The following SRC variants were observed in gnomAD, a reference collection of about 807,000 sequenced individuals.
SRC encodes SRC proto-oncogene, non-receptor tyrosine kinase, also known as proto-oncogene tyrosine-protein kinase Src.
In SRC, 13 loss-of-function variants were observed where a neutral mutation model predicts 62.9. That is an observed-to-expected ratio of 0.21 (90% CI 0.13 to 0.33). SRC has a LOEUF of 0.33. SRC is among the 10% of genes least tolerant of loss of function. SRC has a pLI of 1.00. For missense variants in SRC, 457 were observed against 737.3 expected (o/e 0.62, Z 4.40); for synonymous variants, 302 against 317.5 (o/e 0.95, Z 0.52).
At chr20:37,390,832 T>C (rs1402578934) in intron 5 of SRC, among the ~76,000 whole-genome samples, 1 of 152,178 alleles carries the variant, frequency 6.6e-6, no homozygotes, top group South Asian at 2.1e-4. Flanking sequence ...GGATGGTGTC[T>C]AGGGCAGTGC....
rs112983043 is a variant in SRC, at chr20:37,396,803, G to A, written c.703+492G>A. On this transcript the variant is annotated intron_variant, in intron 8 of 13. Transcript: ENST00000373578. The surrounding 1 kb of genome is among the most constrained non-coding windows in gnomAD (Gnocchi z 6.1). ...AGGGCTCGGGCGTGGGCGCAGTGCTGTAGCCCACCCACCTGGGCATCCGAA... is the reference window on the plus strand; with the variant it reads ...AGGGCTCGGGCGTGGGCGCAGTGCTATAGCCCACCCACCTGGGCATCCGAA... The A allele has an allele frequency of 6.8e-3, 1,172 of 172,350 alleles. 26 individuals are homozygous for A. The highest frequency in any genetic ancestry group is 0.027 in the African/African-American group (1,134 of 42,074). 10.7% of individuals were successfully genotyped at this position (172,350 alleles called of 1,614,324 possible).
chr20:37,384,193 C>A lies in SRC; in HGVS notation c.40C>A (p.Arg14=). Residue 14 remains arginine (R), a synonymous_variant, in exon 4 of 14, where the codon CGG becomes AGG. Transcript: ENST00000373578. This position sits in a 1 kb window ranked among gnomAD's most constrained non-coding sequence, Gnocchi z 6.7. ...GAGCAAGCCCAAGGATGCCAGCCAGCGGCGCCGCAGCCTGGAGCCCGCCGA... is the reference window on the plus strand; with the variant it reads ...GAGCAAGCCCAAGGATGCCAGCCAGAGGCGCCGCAGCCTGGAGCCCGCCGA... ...NKSKPKDASQ[R]RRSLEPAENV... is the part of the protein sequence containing the mutation. 6.3e-7 allele frequency: 1 copy of A among 1,597,302 alleles called. No individual in the cohort carries two copies. The highest frequency in any genetic ancestry group is 8.5e-7 in the Non-Finnish European group (1 of 1,175,984).
chr20:37,401,101 A>G (rs2070730366), intron 10 of SRC, among the ~76,000 whole-genome samples: 2 of 151,662 alleles, frequency 1.3e-5, no homozygotes, highest in African/African-American at 4.8e-5. Context: ...GGCTCAATTG[A>G]TCTTCTCATC....
intron 5 of SRC, among the ~76,000 whole-genome samples, chr20:37,388,098 G>T (rs1327832972): frequency 6.6e-6 from 1 of 152,212 alleles, no homozygotes; most frequent in Non-Finnish European, 1.5e-5. Flanking sequence ...GGCGTCAGCA[G>T]GATGGCTCTG....
chr20:37,363,456 G>C (rs2070009441), intron 1 of SRC, among the ~76,000 whole-genome samples: 1 of 152,146 alleles, frequency 6.6e-6, no homozygotes, highest in African/African-American at 2.4e-5. Context: ...CCTCACAGGG[G>C]AGGTGGGGTA....
intron 1 of SRC, among the ~76,000 whole-genome samples, chr20:37,350,307 A>G (rs1427901963): frequency 6.6e-6 from 1 of 152,188 alleles, no homozygotes; most frequent in Non-Finnish European, 1.5e-5. Flanking sequence ...TGCTTAGCAC[A>G]CATTAGGGAC....
At chr20:37,375,500 G>A (rs1568629866) in intron 2 of SRC, among the ~76,000 whole-genome samples, 1 of 151,984 alleles carries the variant, frequency 6.6e-6, no homozygotes, top group Non-Finnish European at 1.5e-5. Context: ...TGCCTCACAA[G>A]GTATTGGGAT....
chr20:37,376,468 CT>C (rs2070280306), intron 2 of SRC, among the ~76,000 whole-genome samples: 2 of 152,222 alleles, frequency 1.3e-5, no homozygotes, highest in Admixed American at 1.3e-4. Flanking sequence ...AAGCTGGCAT[CT>C]GAACCTGGCA....
chr20:37,391,964 G>C (rs1230696808), intron 5 of SRC, among the ~76,000 whole-genome samples: 3 of 152,220 alleles, frequency 2.0e-5, no homozygotes, highest in African/African-American at 7.2e-5. Context: ...GGGGCCTGGA[G>C]CCCTGCCTTC....
At chr20:37,387,530 C>T (rs2070476254) in intron 5 of SRC, among the ~76,000 whole-genome samples, 1 of 151,484 alleles carries the variant, frequency 6.6e-6, no homozygotes, top group Admixed American at 6.6e-5. Flanking sequence ...CAACTTTCTG[C>T]CCTCCTCAAC....
Position 37,403,153 on chromosome 20 carries a change from G to A in SRC, c.1403-18G>A. 6.6e-7 allele frequency: 1 copy of A among 1,521,438 alleles called. No homozygotes were observed. The highest frequency in any genetic ancestry group is 8.8e-7 in the Non-Finnish European group (1 of 1,135,732). The allele number at this position is 1,521,438 out of a possible 1,614,324, so 94.2% of individuals were successfully genotyped here. ...TCCTCACCGGAGCCGGGCTCCCCAT[G>A]CCTCGCTCTGCCCACAGGGATGGTG... On this transcript the variant is annotated intron_variant, in intron 13 of 13. Transcript: ENST00000373578. The surrounding 1 kb of genome is among the most constrained non-coding windows in gnomAD (Gnocchi z 7.1).
Position 37,403,733 on chromosome 20 carries a change from A to G in SRC, c.*354A>G, listed in dbSNP as rs1440711429. On this transcript the variant is annotated 3_prime_UTR_variant, in exon 14 of 14. Coordinates refer to ENST00000373578, the MANE Select transcript of SRC (RefSeq NM_198291.3). This position sits in a 1 kb window ranked among gnomAD's most constrained non-coding sequence, Gnocchi z 7.1. ...TTTCCAGCCTCAGCCTACTCCGCTC[A>G]CTGAACTCCTTCCCCACTTCTGTGC... 2 of 338,104 alleles carry G rather than the reference A, an allele frequency of 5.9e-6. No individual in the cohort carries two copies. Among genetic ancestry groups the G allele is most frequent in the African/African-American group, 2.0e-5 (1 of 49,730 alleles). 20.9% of individuals were successfully genotyped at this position (338,104 alleles called of 1,614,324 possible).
intron 1 of SRC, among the ~76,000 whole-genome samples, chr20:37,353,086 C>T (rs2069830620): frequency 6.6e-6 from 1 of 152,158 alleles, no homozygotes; most frequent in Non-Finnish European, 1.5e-5. Flanking sequence ...CACCATATTC[C>T]CAAGGGCACA....
chr20:37,368,686 G>A (rs112916276), intron 2 of SRC, among the ~76,000 whole-genome samples: 32,504 of 146,382 alleles, frequency 0.22, 4,388 homozygotes, highest in African/African-American at 0.42. Context: ...CCAAGTAGCT[G>A]GGACTACAGG....
At position 37,363,654 on chromosome 20, in the gene SRC, G is replaced by A. The variant is rs138762441; in HGVS notation, c.-246-1550G>A. ...GGGAGGATGTGAAGGGGAGAAGTGT[G>A]GGTTTCTGCACCCCCATCAGCACAC... On this transcript the variant is annotated intron_variant, in intron 1 of 13. Coordinates refer to ENST00000373578, the MANE Select transcript of SRC (RefSeq NM_198291.3). Among the ~76,000 whole-genome samples the A allele has an allele frequency of 8.5e-5, 13 of 152,254 alleles. No homozygotes were observed. The East Asian group carries it at 2.5e-3, about 29-fold the overall frequency.
Position 37,405,169 on chromosome 20 carries a change from G to T in SRC, c.*1790G>T. 1 of 232,142 alleles carries T rather than the reference G, an allele frequency of 4.3e-6. No individual in the cohort carries two copies. Among genetic ancestry groups the T allele is most frequent in the East Asian group, 6.1e-5 (1 of 16,460 alleles). The allele number at this position is 232,142 out of a possible 1,614,324, so 14.4% of individuals were successfully genotyped here. ...CAAATCTGGGCTCACTCACCCCAGC[G>T]AGCTCTCAAATCCCTCTCCAACTGC... On this transcript the variant is annotated 3_prime_UTR_variant, in exon 14 of 14. Coordinates refer to ENST00000373578, the MANE Select transcript of SRC (RefSeq NM_198291.3).
chr20:37,357,929 G>T (rs1333049034), intron 1 of SRC, among the ~76,000 whole-genome samples: 5 of 152,214 alleles, frequency 3.3e-5, no homozygotes, highest in Admixed American at 6.5e-5. Context: ...GGGGCAGGCG[G>T]CTGGTGTGGA....
intron 1 of SRC, among the ~76,000 whole-genome samples, chr20:37,349,616 G>A (rs927487430): frequency 6.6e-6 from 1 of 152,226 alleles, no homozygotes; most frequent in Non-Finnish European, 1.5e-5. Flanking sequence ...CCTGCTTTGC[G>A]CTGTTGCATT....
At chr20:37,361,494 C>T (rs1264534619) in intron 1 of SRC, among the ~76,000 whole-genome samples, 1 of 152,198 alleles carries the variant, frequency 6.6e-6, no homozygotes, top group Admixed American at 6.5e-5. Context: ...GGCCACTAGG[C>T]GCTCCTGCCC....
Sources: gnomAD v4.1 joint callset for allele counts (sites outside exome capture counted in the v4.1 genomes callset) on GRCh38, gnomAD v4.1.1 for gene constraint, Gnocchi (gnomAD v3.1) non-coding constraint, MANE v1.5 for transcripts, NCBI Gene and HGNC (gene_info 2026-07-23, HGNC 2026-07-21) for gene names.